The following MYBPC3 variants were observed in gnomAD, a reference collection of about 807,000 sequenced individuals.
MYBPC3 encodes myosin-binding protein C, cardiac-type.
A neutral mutation model predicts 159.3 loss-of-function variants in MYBPC3; 108 were observed. The ratio of observed to expected loss-of-function variants is 0.68; its 90% CI spans 0.58 to 0.80. The LOEUF (loss-of-function observed/expected upper bound fraction) is 0.80, where lower values mean the gene tolerates loss of function less well. Among genes scored for constraint, MYBPC3 ranks in the 30% least tolerant of loss-of-function variants. MYBPC3 has a pLI of 0.00. For missense variants in MYBPC3, 1,631 were observed against 1,762.1 expected, an observed-to-expected ratio of 0.93 and a Z score of 1.33; for synonymous variants, 730 against 702.0, an observed-to-expected ratio of 1.04 and a Z score of -0.63.
In MYBPC3 at chr11:47,350,581, G is replaced by C. The variant is rs1049825051; in HGVS notation, c.327C>G (p.Ala109=). The change falls in exon 3 of 35, where the codon GCC becomes GCG. Residue 109 remains alanine, a synonymous_variant. Transcript: ENST00000545968. ...CAGGGGCTCCAGTGGCCTCAGCAGG[G>C]GCAGGGGCAGGGGCCAGCATGGGCT... is the stretch of plus-strand genomic sequence containing the variant. ...KAEPMLAPAP[A]PAEATGAPGE... 1 of 1,523,724 alleles carries C rather than the reference G, an allele frequency of 6.6e-7. No individual in the cohort carries two copies. The highest frequency in any genetic ancestry group is 8.7e-7 in the Non-Finnish European group (1 of 1,144,278). The allele number at this position is 1,523,724 out of a possible 1,614,324, so 94.4% of individuals were successfully genotyped here.
chr11:47,334,068 C>T, intron 27 of MYBPC3, 58 bp from the exon 28 acceptor site: 2 of 1,469,508 alleles, frequency 1.4e-6, no homozygotes, highest in South Asian at 1.2e-5. Flanking sequence ...AGGGGCTCCA[C>T]AGCTCCAACC....
intron 26 of MYBPC3, chr11:47,335,466 C>A (rs2095881347): frequency 6.1e-6 from 2 of 327,058 alleles, no homozygotes; most frequent in Non-Finnish European, 1.1e-5. Flanking sequence ...TAGCTGGGAT[C>A]ACAGGTGCCC....
Position 47,335,228 on chromosome 11 carries a change from A to T in MYBPC3, c.2738-19T>A, listed in dbSNP as rs749174869. 1 of 1,565,824 alleles carries T rather than the reference A, an allele frequency of 6.4e-7. No homozygotes were observed. Among genetic ancestry groups the T allele is most frequent in the South Asian group, 1.2e-5 (1 of 84,570 alleles). On this transcript the variant is annotated intron_variant, in intron 26 of 34. Coordinates refer to ENST00000545968, the MANE Select transcript of MYBPC3 (RefSeq NM_000256.3). Reference sequence around the variant, plus strand: ...TCTGAGCCTGGGGGTGGGGAGGGGGAGGCAAGGCCACAGGCTGTGTCACCA... The same window carrying T: ...TCTGAGCCTGGGGGTGGGGAGGGGGTGGCAAGGCCACAGGCTGTGTCACCA...
Position 47,342,734 on chromosome 11 carries a change from C to A in MYBPC3, c.1468G>T (p.Gly490Trp). 6.2e-7 allele frequency: 1 copy of A among 1,613,948 alleles called. No individual in the cohort carries two copies. Among genetic ancestry groups the A allele is most frequent in the Non-Finnish European group, 8.5e-7 (1 of 1,179,834 alleles). ...EGAQVKWLKD[G>W]VELTREETFK... is the part of the protein sequence containing the mutation. ...GTCTCCTCCCGGGTCAGCTCCACCC[C>A]GTCCTTCAGCCTAGCCGGGTGGGTG... The change falls in exon 17 of 35, where the codon GGG becomes TGG. Residue 490 changes from glycine to tryptophan, a missense_variant. Transcript: ENST00000545968.
At chr11:47,347,964 C>T (rs191875713) in intron 6 of MYBPC3, 59 bp from the exon 7 acceptor site, 2 of 1,500,790 alleles carry the variant, frequency 1.3e-6, no homozygotes, top group Admixed American at 3.9e-5. Flanking sequence ...GTTTGAGAAG[C>T]CCTGCCCTGG....
In MYBPC3 at chr11:47,332,757, C is replaced by T; in HGVS notation, c.3491-55G>A. 1.9e-6 allele frequency: 3 copies of T among 1,584,322 alleles called. No homozygotes were observed. The highest frequency in any genetic ancestry group is 1.1e-5 in the South Asian group (1 of 87,560). ...GGCCACACAAAGCTAGGCCCCTCTC[C>T]CTGTTCCCACAGCCTCCCTGCCCCA... On this transcript the variant is annotated intron_variant, in intron 31 of 34. Coordinates refer to ENST00000545968, the MANE Select transcript of MYBPC3 (RefSeq NM_000256.3). The surrounding 1 kb of genome is among the most constrained non-coding windows in gnomAD (Gnocchi z 4.2).
chr11:47,342,111 C>T lies in MYBPC3; in HGVS notation c.1670G>A (p.Gly557Asp), dbSNP rs730880549. Reference protein sequence around the residue: ...VYQSIADLMVGAKDQAVFKCE... With the variant: ...VYQSIADLMVDAKDQAVFKCE... ...TTTGAACACCGCCTGGTCCTTTGCG[C>T]CCACCATCAGGTCTGCGATGCTCTG... Residue 557 changes from glycine to aspartate, a missense_variant, in exon 18 of 35, where the codon GGC (glycine) becomes GAC (aspartate). Transcript: ENST00000545968. 4 of 1,614,002 alleles carry T rather than the reference C, an allele frequency of 2.5e-6. No homozygotes were observed. Among genetic ancestry groups the T allele is most frequent in the East Asian group, 2.2e-5 (1 of 44,886 alleles).
rs2095878656 is a variant in MYBPC3, at chr11:47,332,930, A to G, written c.3374T>C (p.Val1125Ala). The G allele has an allele frequency of 6.2e-7, 1 of 1,610,698 alleles. No homozygotes were observed. The highest frequency in any genetic ancestry group is 8.5e-7 in the Non-Finnish European group (1 of 1,178,680). Residue 1125 changes from valine (V) to alanine (A), a missense_variant, in exon 31 of 35, where the codon GTG becomes GCG. Coordinates refer to ENST00000545968, the MANE Select transcript of MYBPC3 (RefSeq NM_000256.3). This position sits in a 1 kb window ranked among gnomAD's most constrained non-coding sequence, Gnocchi z 4.2. ...VLEHYRRTHCVVPELIIGNGY... is the reference protein window; with the variant it reads ...VLEHYRRTHCAVPELIIGNGY... ...ATTGCCAATGATGAGCTCTGGCACC[A>G]CGCAGTGGGTGCGGCGGTAATGCTC...
rs1453432679 is a variant in MYBPC3 at position 47,331,626 on chromosome 11, GAC to G, written c.*115_*116del. On this transcript the variant is annotated 3_prime_UTR_variant, in exon 35 of 35. Transcript: ENST00000545968. ...GCTGATCCCCCATCGCAGCACAGGA[GAC>G]ACACTTGTCACACATACATCCAACA... The G allele has an allele frequency of 1.8e-6, 1 of 560,406 alleles. No homozygotes were observed. Among genetic ancestry groups the G allele is most frequent in the Non-Finnish European group, 3.2e-6 (1 of 314,974 alleles). 34.7% of individuals were successfully genotyped at this position (560,406 alleles called of 1,614,324 possible). A position where few individuals can be genotyped will look rare whatever the true frequency, so the allele number is the denominator to read the frequency against.
At chr11:47,349,733 T>C (rs1223719221) in intron 5 of MYBPC3, 41 bp downstream of exon 5, 1 of 1,590,952 alleles carries the variant, frequency 6.3e-7, no homozygotes, top group Non-Finnish European at 8.5e-7. Flanking sequence ...GGGCTCTCCA[T>C]GTCCCCTCTC....
At position 47,332,818 on chromosome 11, in the gene MYBPC3, T is replaced by C. The variant is rs786204358; in HGVS notation, c.3486A>G (p.Arg1162=). The C allele has an allele frequency of 1.2e-6, 2 of 1,605,418 alleles. No homozygotes were observed. The highest frequency in any genetic ancestry group is 2.2e-5 in the East Asian group (1 of 44,610). ...ATTKEPVFIP[R]PGITYEPPNY... is the part of the protein sequence containing the mutation. ...GGAAGAATGAGGGTACAGCACCTGGTCTGGGGATAAAGACGGGCTCCTTGG... is the reference window on the plus strand; with the variant it reads ...GGAAGAATGAGGGTACAGCACCTGGCCTGGGGATAAAGACGGGCTCCTTGG... Residue 1162 remains arginine (R), a synonymous_variant, in exon 31 of 35, where the codon AGA becomes AGG. Coordinates refer to ENST00000545968, the MANE Select transcript of MYBPC3 (RefSeq NM_000256.3). This position sits in a 1 kb window ranked among gnomAD's most constrained non-coding sequence, Gnocchi z 4.2.
At chr11:47,348,034 G>T in intron 6 of MYBPC3, 129 bp from the exon 7 acceptor site, 1 of 917,512 alleles carries the variant, frequency 1.1e-6, no homozygotes, top group Non-Finnish European at 1.7e-6. Context: ...CTGGGCATCT[G>T]CCCCAGGATC....
chr11:47,337,628 C>A, intron 24 of MYBPC3, 49 bp from the exon 25 acceptor site: 1 of 1,612,142 alleles, frequency 6.2e-7, no homozygotes, highest in Non-Finnish European at 8.5e-7. Flanking sequence ...GGCATCCCCA[C>A]ACCACCTTCC....
chr11:47,342,501 C>T, intron 17 of MYBPC3, 77 bp downstream of exon 17: 1 of 1,438,650 alleles, frequency 7.0e-7, no homozygotes, highest in South Asian at 1.5e-5. Flanking sequence ...TTTGCCTGCT[C>T]CCCTACAGGG....
intron 5 of MYBPC3, among the ~76,000 whole-genome samples, chr11:47,348,750 C>T (rs148951489): frequency 1.2e-4 from 18 of 150,880 alleles, no homozygotes; most frequent in South Asian, 1.1e-3. Context: ...CTAAAAATAA[C>T]GAAAATTAGC....
At chr11:47,350,189 T>C (rs2095899184) in intron 3 of MYBPC3, 77 bp from the exon 4 acceptor site, 29 of 1,448,896 alleles carry the variant, frequency 2.0e-5, no homozygotes, top group Non-Finnish European at 2.7e-5. Context: ...AGAGGCACAA[T>C]CTCGGCTCAC....
At chr11:47,341,282 C>T (rs1201237772) in intron 18 of MYBPC3, 38 bp from the exon 19 acceptor site, 9 of 1,506,730 alleles carry the variant, frequency 6.0e-6, no homozygotes, top group Non-Finnish European at 8.1e-6. Context: ...CCCACTGGGC[C>T]ACACACCCCT....
chr11:47,347,146 T>C (rs2095895135), intron 9 of MYBPC3, 117 bp from the exon 10 acceptor site: 2 of 1,405,200 alleles, frequency 1.4e-6, no homozygotes, highest in Middle Eastern at 1.8e-4. Flanking sequence ...GGGGACCCTC[T>C]CTCTGTTCCT....
At chr11:47,350,454 A>G in intron 3 of MYBPC3, 48 bp downstream of exon 3, 1 of 1,540,560 alleles carries the variant, frequency 6.5e-7, no homozygotes, top group Non-Finnish European at 8.7e-7. Context: ...CCTGCCCTGG[A>G]CACGCCCTAC....
Sources: gnomAD v4.1 joint callset for allele counts (sites outside exome capture counted in the v4.1 genomes callset) on GRCh38, gnomAD v4.1.1 for gene constraint, Gnocchi (gnomAD v3.1) non-coding constraint, MANE v1.5 for transcripts, NCBI Gene and HGNC (gene_info 2026-07-23, HGNC 2026-07-21) for gene names.